Variants in TMEM260 observed in about 807,000 individuals in gnomAD.
TMEM260 encodes protein O-mannosyl-transferase TMEM260.
Under a neutral mutation model 88.9 loss-of-function variants are expected in TMEM260, and 82 were observed. That is an observed-to-expected ratio of 0.92 (90% CI 0.77 to 1.11). The LOEUF (loss-of-function observed/expected upper bound fraction) is 1.11, where lower values mean the gene tolerates loss of function less well. TMEM260 is among the 50% of genes least tolerant of loss of function. The probability of loss-of-function intolerance (pLI) is 0.00; values close to 1 mark genes in which losing one functional copy is unlikely to be tolerated. For synonymous variants in TMEM260, 314 were observed against 309.3 expected, an observed-to-expected ratio of 1.02 and a Z score of -0.16; for missense variants, 902 against 853.4, an observed-to-expected ratio of 1.06 and a Z score of -0.71.
Position 56,647,843 on chromosome 14 carries a change from G to A in TMEM260, c.*346G>A. 5.3e-6 allele frequency: 1 copy of A among 189,122 alleles called. No homozygotes were observed. Among genetic ancestry groups the A allele is most frequent in the South Asian group, 1.3e-4 (1 of 7,902 alleles). The allele number at this position is 189,122 out of a possible 1,614,324, so 11.7% of individuals were successfully genotyped here. A position where few individuals can be genotyped will look rare whatever the true frequency, so the allele number is the denominator to read the frequency against. On this transcript the variant is annotated 3_prime_UTR_variant, in exon 16 of 16. Coordinates refer to ENST00000261556, the MANE Select transcript of TMEM260 (RefSeq NM_017799.4). ...AAATATTGGTCATGAACTGTGTAAGGGCCATGCTTATTGGGATCAGTTTTA... is the reference window on the plus strand; with the variant it reads ...AAATATTGGTCATGAACTGTGTAAGAGCCATGCTTATTGGGATCAGTTTTA...
chr14:56,633,258 A>ATTTT, intron 13 of TMEM260, 87 bp downstream of exon 13: 4 of 930,700 alleles, frequency 4.3e-6, no homozygotes, highest in East Asian at 3.0e-5. Context: ...ATGCCTTCTA[A>ATTTT]TTTTTTTTTT....
intron 3 of TMEM260, among the ~76,000 whole-genome samples, chr14:56,590,312 C>T (rs560877991): frequency 1.3e-5 from 2 of 152,312 alleles, no homozygotes; most frequent in African/African-American, 4.8e-5. Context: ...TTTCTGACAG[C>T]TAGTCAGAGT....
Position 56,609,305 on chromosome 14 carries a change from C to A in TMEM260, c.816+20C>A. 8.1e-6 allele frequency: 13 copies of A among 1,604,006 alleles called. No individual in the cohort carries two copies. Among genetic ancestry groups the A allele is most frequent in the Non-Finnish European group, 1.1e-5 (13 of 1,172,888 alleles). ...AGCCTGGTAAATTCAGATTTAAAGC[C>A]CTTCTAAGGAAACAAGTGGCAAAAC... is the stretch of plus-strand genomic sequence containing the variant. On this transcript the variant is annotated intron_variant, in intron 6 of 15. Coordinates refer to ENST00000261556, the MANE Select transcript of TMEM260 (RefSeq NM_017799.4).
chr14:56,589,808 A>G (rs1252285000), intron 3 of TMEM260, among the ~76,000 whole-genome samples: 1 of 152,178 alleles, frequency 6.6e-6, no homozygotes, highest in Non-Finnish European at 1.5e-5. Context: ...GAAGGCGAAG[A>G]CTTGATTCTG....
In TMEM260 at chr14:56,588,152, T is replaced by C. The variant is rs2060042252; in HGVS notation, c.344+2240T>C. On this transcript the variant is annotated intron_variant, in intron 3 of 15. Coordinates refer to ENST00000261556, the MANE Select transcript of TMEM260 (RefSeq NM_017799.4). ...AAACCAAATCATCATTCCATTTTGT[T>C]GTTGAATATTGAAGGGTTTTGATCC... Among the ~76,000 whole-genome samples the C allele has an allele frequency of 2.0e-5, 3 of 152,190 alleles. No individual in the cohort carries two copies. In the South Asian group the frequency reaches 6.2e-4, roughly 32 times the overall value.
chr14:56,593,593 G>A lies in TMEM260; in HGVS notation c.344+7681G>A, dbSNP rs114519548. Among the ~76,000 whole-genome samples the A allele has an allele frequency of 4.2e-3, 616 of 147,430 alleles. 5 individuals are homozygous for A. The highest frequency in any genetic ancestry group is 0.014 in the African/African-American group (582 of 40,162). ...ATAATCTATATCAGTGCTTTCCTCC[G>A]TTATTATGAGATCTTAGAATTAAGT... On this transcript the variant is annotated intron_variant, in intron 3 of 15. Coordinates refer to ENST00000261556, the MANE Select transcript of TMEM260 (RefSeq NM_017799.4).
the TMEM260 span, among the ~76,000 whole-genome samples, chr14:56,657,958 G>A: frequency 6.6e-6 from 1 of 152,152 alleles, no homozygotes; most frequent in Non-Finnish European, 1.5e-5. Context: ...CATTCATGCT[G>A]TCTATCTGTG....
intron 11 of TMEM260, among the ~76,000 whole-genome samples, chr14:56,624,708 A>G (rs540013629): frequency 1.2e-4 from 18 of 152,296 alleles, no homozygotes; most frequent in Admixed American, 1.2e-3. Flanking sequence ...GGTGAGTACA[A>G]AGTACTAGAG....
chr14:56,597,326 A>T (rs375181532), intron 3 of TMEM260, among the ~76,000 whole-genome samples: 1 of 152,208 alleles, frequency 6.6e-6, no homozygotes. Flanking sequence ...GTGTTCTTCA[A>T]ATATTCCAAA....
the TMEM260 span, among the ~76,000 whole-genome samples, chr14:56,656,144 C>T: frequency 3.9e-5 from 6 of 152,160 alleles, no homozygotes; most frequent in Non-Finnish European, 1.5e-5. Context: ...GGGCCAAGCA[C>T]AGTGATTCAC....
downstream of TMEM260, among the ~76,000 whole-genome samples, chr14:56,654,342 T>A (rs1341402622): frequency 6.6e-6 from 1 of 152,176 alleles, no homozygotes; most frequent in Admixed American, 6.5e-5. Context: ...TTGAAAAATG[T>A]TGCACTAGTT....
downstream of TMEM260, among the ~76,000 whole-genome samples, chr14:56,654,849 A>T (rs923490049): frequency 6.7e-6 from 1 of 148,658 alleles, no homozygotes; most frequent in Non-Finnish European, 1.5e-5. Context: ...AAAATGTTAA[A>T]TGTCCACAAG....
chr14:56,635,428 C>T (rs893480006), intron 14 of TMEM260, among the ~76,000 whole-genome samples: 3 of 152,162 alleles, frequency 2.0e-5, no homozygotes, highest in Admixed American at 6.5e-5. Context: ...TGACACAGTT[C>T]CTACCCTCAT....
chr14:56,616,141 ACT>A (rs1334380884), intron 8 of TMEM260, 114 bp downstream of exon 8: 2 of 694,456 alleles, frequency 2.9e-6, no homozygotes, highest in Non-Finnish European at 5.0e-6. Context: ...CAAATAAATG[ACT>A]CTCCTAGCTG....
chr14:56,582,096 A>G (rs1041679807), intron 1 of TMEM260, among the ~76,000 whole-genome samples: 4 of 152,224 alleles, frequency 2.6e-5, no homozygotes, highest in East Asian at 1.9e-4. Flanking sequence ...GTATATGCCA[A>G]TATGGAAAAT....
At chr14:56,617,326 C>A in intron 9 of TMEM260, 29 bp downstream of exon 9, 1 of 1,443,980 alleles carries the variant, frequency 6.9e-7, no homozygotes, top group Non-Finnish European at 9.5e-7. Context: ...TATCCTTTGA[C>A]CAGAAAGTTT....
intron 10 of TMEM260, 52 bp downstream of exon 10, chr14:56,618,815 A>G (rs756417619): frequency 1.3e-6 from 2 of 1,522,492 alleles, no homozygotes; most frequent in Non-Finnish European, 1.8e-6. Flanking sequence ...GAGATACCTG[A>G]ATATTTAGAT....
chr14:56,608,031 A>C (rs543780379), intron 5 of TMEM260, among the ~76,000 whole-genome samples: 2 of 152,356 alleles, frequency 1.3e-5, no homozygotes, highest in South Asian at 4.1e-4. Context: ...AGAATAGCAA[A>C]GGCATGTTGT....
chr14:56,620,272 C>T (rs184497786), intron 10 of TMEM260, among the ~76,000 whole-genome samples: 7 of 152,256 alleles, frequency 4.6e-5, no homozygotes, highest in Admixed American at 3.3e-4. Context: ...CAAACCCACA[C>T]GTGTACCCTG....
Sources: allele counts gnomAD v4.1 joint callset (sites outside exome capture counted in the v4.1 genomes callset), GRCh38; gene constraint gnomAD v4.1.1; transcripts MANE v1.5; gene names NCBI Gene and HGNC (gene_info 2026-07-23, HGNC 2026-07-21).